The following KPNA4 variants were observed in gnomAD, a reference collection of about 807,000 sequenced individuals.
KPNA4 encodes importin subunit alpha-3.
KPNA4 carries 13 observed loss-of-function variants against 71.3 expected under a neutral mutation model. The ratio of observed to expected loss-of-function variants is 0.18; its 90% CI spans 0.12 to 0.29. KPNA4 has a LOEUF of 0.29. Ranked by LOEUF, KPNA4 falls within the 10% of genes least tolerant of loss-of-function variation. The pLI, the probability that KPNA4 is intolerant of heterozygous loss-of-function variation, is 1.00. For missense variants in KPNA4, 334 were observed against 603.2 expected, an observed-to-expected ratio of 0.55 and a Z score of 4.67; for synonymous variants, 189 against 195.2, an observed-to-expected ratio of 0.97 and a Z score of 0.26.
At chr3:160,522,372 A>G (rs1721366601) in intron 10 of KPNA4, among the ~76,000 whole-genome samples, 1 of 152,250 alleles carries the variant, frequency 6.6e-6, no homozygotes, top group African/African-American at 2.4e-5. Flanking sequence ...AGATATGCCT[A>G]AAGCCAATAA....
intron 5 of KPNA4, among the ~76,000 whole-genome samples, chr3:160,533,471 C>T (rs1208589591): frequency 1.3e-5 from 2 of 150,070 alleles, no homozygotes; most frequent in East Asian, 1.9e-4. Context: ...AAAACCACTT[C>T]GAAGAAGTCT....
chr3:160,548,776 C>G (rs1721981840), intron 1 of KPNA4, among the ~76,000 whole-genome samples: 1 of 152,118 alleles, frequency 6.6e-6, no homozygotes, highest in Non-Finnish European at 1.5e-5. Context: ...TATCTTAGTT[C>G]CCGCTTTCAA....
Position 160,555,513 on chromosome 3 carries a change from T to C in KPNA4, c.69+9701A>G, listed in dbSNP as rs112388767. Reference sequence around the variant, plus strand: ...TATGCCTACATATCTATGATAAAACTTACTTTATCAATTAGGCACAGTAAG... The same window carrying C: ...TATGCCTACATATCTATGATAAAACCTACTTTATCAATTAGGCACAGTAAG... On this transcript the variant is annotated intron_variant, in intron 1 of 16. Transcript: ENST00000334256. Among the ~76,000 whole-genome samples the C allele has an allele frequency of 1.7e-3, 263 of 152,256 alleles. 1 individual carries two copies. The highest frequency in any genetic ancestry group is 5.9e-3 in the African/African-American group (244 of 41,566).
chr3:160,523,873 A>C (rs2108549561), intron 10 of KPNA4, among the ~76,000 whole-genome samples: 1 of 152,174 alleles, frequency 6.6e-6, no homozygotes, highest in Non-Finnish European at 1.5e-5. Context: ...AAAAGAATTC[A>C]CATAAAAAAA....
intron 1 of KPNA4, among the ~76,000 whole-genome samples, chr3:160,554,575 C>A (rs913201488): frequency 3.3e-5 from 5 of 152,102 alleles, no homozygotes; most frequent in African/African-American, 9.7e-5. Flanking sequence ...CGGGGGGGCC[C>A]TAGATAGTTT....
chr3:160,513,893 CAA>C, intron 13 of KPNA4, among the ~76,000 whole-genome samples, 182 bp downstream of exon 13: 1 of 152,066 alleles, frequency 6.6e-6, no homozygotes, highest in East Asian at 1.9e-4. Flanking sequence ...CCCCACCCCC[CAA>C]AAAGTTTCTT....
intron 1 of KPNA4, among the ~76,000 whole-genome samples, chr3:160,538,434 G>T (rs1000677509): frequency 5.3e-5 from 8 of 152,034 alleles, no homozygotes; most frequent in Non-Finnish European, 1.2e-4. Context: ...TTGAGTGAAG[G>T]AAACACTGCT....
chr3:160,515,890 T>C (rs543793964), intron 11 of KPNA4, among the ~76,000 whole-genome samples: 2 of 151,972 alleles, frequency 1.3e-5, no homozygotes, highest in Admixed American at 6.5e-5. Context: ...GCTGGGATTA[T>C]AGGCATGAGC....
intron 11 of KPNA4, 59 bp downstream of exon 11, chr3:160,521,719 GC>G: frequency 6.8e-7 from 1 of 1,465,790 alleles, no homozygotes; most frequent in Non-Finnish European, 9.4e-7. Flanking sequence ...ATCTTTGAAT[GC>G]CATGCTTAAA....
intron 16 of KPNA4, among the ~76,000 whole-genome samples, 168 bp from the exon 17 acceptor site, chr3:160,502,370 TTTTC>T (rs1173515450): frequency 3.3e-5 from 5 of 151,972 alleles, no homozygotes; most frequent in Admixed American, 1.3e-4. Context: ...AAGGTTTTTT[TTTTC>T]TTTCTTTCTT....
At chr3:160,543,388 T>C (rs1482542004) in intron 1 of KPNA4, among the ~76,000 whole-genome samples, 1 of 151,698 alleles carries the variant, frequency 6.6e-6, no homozygotes. Flanking sequence ...TCACCCAGGC[T>C]GGAGTGCAGT....
At chr3:160,551,140 T>C (rs1219771524) in intron 1 of KPNA4, among the ~76,000 whole-genome samples, 1 of 152,206 alleles carries the variant, frequency 6.6e-6, no homozygotes, top group Non-Finnish European at 1.5e-5. Context: ...TTGGGAGATT[T>C]TAAATCTCCT....
chr3:160,511,479 T>C (rs1273073858), intron 13 of KPNA4, among the ~76,000 whole-genome samples: 2 of 152,022 alleles, frequency 1.3e-5, no homozygotes, highest in Non-Finnish European at 2.9e-5. Flanking sequence ...ATTGACTTCA[T>C]ACATTATAGT....
intron 10 of KPNA4, among the ~76,000 whole-genome samples, chr3:160,522,204 A>G (rs1721362382): frequency 1.3e-5 from 2 of 152,202 alleles, no homozygotes; most frequent in African/African-American, 4.8e-5. Flanking sequence ...AGAAAAAGAC[A>G]TTCTCTTTCC....
intron 1 of KPNA4, among the ~76,000 whole-genome samples, chr3:160,557,182 C>T (rs1722154084): frequency 6.6e-6 from 1 of 151,984 alleles, no homozygotes; most frequent in Admixed American, 6.6e-5. Context: ...TTTTTCTGGA[C>T]CAGTAACAGC....
At chr3:160,550,773 T>C (rs1362056473) in intron 1 of KPNA4, among the ~76,000 whole-genome samples, 1 of 152,230 alleles carries the variant, frequency 6.6e-6, no homozygotes, top group African/African-American at 2.4e-5. Context: ...TATGACTGTG[T>C]CATTTTTGTC....
At chr3:160,561,909 T>C (rs1162906868) in intron 1 of KPNA4, among the ~76,000 whole-genome samples, 1 of 152,080 alleles carries the variant, frequency 6.6e-6, no homozygotes, top group Non-Finnish European at 1.5e-5. Context: ...CTTCCTAACA[T>C]TACCTATTAA....
intron 11 of KPNA4, among the ~76,000 whole-genome samples, chr3:160,516,723 G>T (rs535094345): frequency 6.6e-6 from 1 of 152,084 alleles, no homozygotes; most frequent in South Asian, 2.1e-4. Context: ...AGTGAGCTGT[G>T]ATCATACCAC....
intron 11 of KPNA4, among the ~76,000 whole-genome samples, chr3:160,521,027 A>T (rs1344529343): frequency 6.6e-6 from 1 of 152,212 alleles, no homozygotes; most frequent in Non-Finnish European, 1.5e-5. Context: ...TTTAAACAAT[A>T]AAAAATAAAT....
Sources: allele counts gnomAD v4.1 joint callset (sites outside exome capture counted in the v4.1 genomes callset), GRCh38; gene constraint gnomAD v4.1.1; transcripts MANE v1.5; gene names NCBI Gene and HGNC (gene_info 2026-07-23, HGNC 2026-07-21).